The following AMZ1 variants were observed in gnomAD, a reference collection of about 807,000 sequenced individuals.
AMZ1 encodes the protein archaelysin family metallopeptidase 1.
AMZ1 carries 39 observed loss-of-function variants against 29.9 expected under a neutral mutation model. The ratio of observed to expected loss-of-function variants is 1.30; its 90% CI spans 1.01 to 1.70. AMZ1 has a LOEUF of 1.70. Ranked by LOEUF, AMZ1 falls within the 40% of genes most tolerant of loss-of-function variation. The probability of loss-of-function intolerance (pLI) is 0.00; values close to 1 mark genes in which losing one functional copy is unlikely to be tolerated. For synonymous variants in AMZ1, 458 were observed against 304.0 expected (o/e 1.51, Z -5.27); for missense variants, 1,041 against 680.6 (o/e 1.53, Z -5.89).
intron 4 of AMZ1, chr7:2,733,598 G>A (rs1790010858): frequency 1.1e-5 from 10 of 890,072 alleles, no homozygotes; most frequent in Admixed American, 1.9e-5. Flanking sequence ...GTGGCATTTC[G>A]CCTCCGTGTG....
At position 2,708,581 on chromosome 7, in the gene AMZ1, C is replaced by T; in HGVS notation, c.473-7C>T. The stretch of plus-strand genomic sequence containing the variant: ...CCTGACCCCATCCTCTGGCCCTCTC[C>T]CCGCAGACGGCATCCTGTCCTTCTT... On this transcript the variant is annotated splice_region_variant and splice_polypyrimidine_tract_variant and intron_variant, in intron 3 of 6. Coordinates refer to ENST00000683327, the MANE Select transcript of AMZ1 (RefSeq NM_001384743.1). The T allele has an allele frequency of 2.5e-6, 4 of 1,612,016 alleles. No homozygotes were observed. Among genetic ancestry groups the T allele is most frequent in the South Asian group, 1.1e-5 (1 of 91,076 alleles).
At chr7:2,711,709 A>C (rs1027893145) in intron 6 of AMZ1, among the ~76,000 whole-genome samples, 2 of 152,080 alleles carry the variant, frequency 1.3e-5, no homozygotes, top group East Asian at 1.9e-4. Context: ...GTGAGCCACC[A>C]TGCCCACACC....
chr7:2,752,049 G>A (rs1791066975), intron 4 of AMZ1, among the ~76,000 whole-genome samples: 1 of 151,974 alleles, frequency 6.6e-6, no homozygotes, highest in Non-Finnish European at 1.5e-5. Flanking sequence ...TATCAAAAAA[G>A]AAAAATTACA....
At chr7:2,681,188 T>C (rs1393309989) in intron 1 of AMZ1, among the ~76,000 whole-genome samples, 2 of 152,094 alleles carry the variant, frequency 1.3e-5, no homozygotes, top group African/African-American at 4.8e-5. Context: ...CTGGCTAGCG[T>C]GCGCCTGGCC....
intron 4 of AMZ1, among the ~76,000 whole-genome samples, chr7:2,757,873 A>G (rs1033477917): frequency 5.9e-5 from 9 of 152,168 alleles, no homozygotes; most frequent in African/African-American, 1.4e-4. Context: ...GGCAGCTTAA[A>G]TATTTTTTCC....
Position 2,709,762 on chromosome 7 carries a change from C to A in AMZ1, c.894C>A (p.Ile298=). 1 of 1,611,992 alleles carries A rather than the reference C, an allele frequency of 6.2e-7. No individual in the cohort carries two copies. Among genetic ancestry groups the A allele is most frequent in the Non-Finnish European group, 8.5e-7 (1 of 1,179,866 alleles). ...ALRRPLDLCP[I]CLRKLQHVLG... ...GGCGGCCCCTGGACCTCTGTCCCATCTGCCTGAGGAAGCTGCAGCATGTCC... is the reference window on the plus strand; with the variant it reads ...GGCGGCCCCTGGACCTCTGTCCCATATGCCTGAGGAAGCTGCAGCATGTCC... Residue 298 remains isoleucine, a synonymous_variant, in exon 6 of 7, where the codon ATC becomes ATA. Transcript: ENST00000683327.
At chr7:2,764,301 T>C (rs1043743933), upstream of AMZ1, among the ~76,000 whole-genome samples, 1 of 151,390 alleles carries the variant, frequency 6.6e-6, no homozygotes, top group African/African-American at 2.4e-5. Flanking sequence ...CAGGCAGGTC[T>C]CAAACTCCTA....
chr7:2,746,618 C>T (rs1790774970), intron 4 of AMZ1, among the ~76,000 whole-genome samples: 1 of 152,010 alleles, frequency 6.6e-6, no homozygotes, highest in African/African-American at 2.4e-5. Context: ...ACTAGAAAAG[C>T]AAGAACAAAC....
intron 4 of AMZ1, among the ~76,000 whole-genome samples, chr7:2,758,843 G>T (rs1007348656): frequency 6.6e-6 from 1 of 152,188 alleles, no homozygotes; most frequent in African/African-American, 2.4e-5. Flanking sequence ...ATCACCGCAT[G>T]TATCAACATG....
At chr7:2,735,625 C>A (rs1790131082) in intron 4 of AMZ1, among the ~76,000 whole-genome samples, 1 of 152,216 alleles carries the variant, frequency 6.6e-6, no homozygotes, top group African/African-American at 2.4e-5. Flanking sequence ...CACAACACAG[C>A]AAACACTCAC....
intron 6 of AMZ1, among the ~76,000 whole-genome samples, chr7:2,711,976 G>C (rs1366777663): frequency 6.6e-6 from 1 of 152,182 alleles, no homozygotes; most frequent in Non-Finnish European, 1.5e-5. Context: ...GAACCTGGGA[G>C]GGGGAGGTTG....
At chr7:2,697,589 A>G (rs1787821420) in intron 1 of AMZ1, among the ~76,000 whole-genome samples, 1 of 151,502 alleles carries the variant, frequency 6.6e-6, no homozygotes. Context: ...ATGCCCGGCT[A>G]ATTTTTTGTG....
chr7:2,739,170 T>A (rs1790371587), intron 4 of AMZ1, among the ~76,000 whole-genome samples: 1 of 152,250 alleles, frequency 6.6e-6, no homozygotes, highest in East Asian at 1.9e-4. Context: ...ATGTTTTCAT[T>A]AGGTAAGATC....
chr7:2,681,926 C>A (rs1441739313), intron 1 of AMZ1, among the ~76,000 whole-genome samples: 1 of 220 alleles, frequency 4.5e-3, no homozygotes, highest in African/African-American at 0.029. Flanking sequence ...CCCTCCCAGT[C>A]CCCCAGCCTT....
chr7:2,698,815 G>T (rs542970241), intron 1 of AMZ1, among the ~76,000 whole-genome samples: 1 of 152,134 alleles, frequency 6.6e-6, no homozygotes, highest in Non-Finnish European at 1.5e-5. Flanking sequence ...CAGCCTGGAC[G>T]AAACAGCGAG....
chr7:2,708,452 C>T lies in AMZ1; in HGVS notation c.473-136C>T, dbSNP rs375648566. 195 of 1,349,526 alleles carry T rather than the reference C, an allele frequency of 1.4e-4. 2 individuals carry two copies. The South Asian group carries it at 1.7e-3, about 12-fold the overall frequency. The allele number at this position is 1,349,526 out of a possible 1,614,324, so 83.6% of individuals were successfully genotyped here. ...CTGTGTGCCCTCAGGTCACACCAAA[C>T]GCTGGTGGCCCACACCTGACTTGGG... On this transcript the variant is annotated intron_variant, in intron 3 of 6. Coordinates refer to ENST00000683327, the MANE Select transcript of AMZ1 (RefSeq NM_001384743.1).
chr7:2,712,000 T>C (rs1312215633), intron 6 of AMZ1, among the ~76,000 whole-genome samples: 1 of 152,074 alleles, frequency 6.6e-6, no homozygotes, highest in Non-Finnish European at 1.5e-5. Context: ...TGAGCTGAGA[T>C]CGCAGCACTG....
At chr7:2,725,056 G>A (rs1307418737) in intron 4 of AMZ1, among the ~76,000 whole-genome samples, 2 of 152,168 alleles carry the variant, frequency 1.3e-5, no homozygotes, top group Admixed American at 6.5e-5. Context: ...CCACCAGGAC[G>A]GGGTATCTGG....
chr7:2,709,634 C>A lies in AMZ1; in HGVS notation c.772-6C>A. The A allele has an allele frequency of 6.2e-7, 1 of 1,607,252 alleles. No individual in the cohort carries two copies. The highest frequency in any genetic ancestry group is 1.1e-5 in the South Asian group (1 of 90,850). The stretch of plus-strand genomic sequence containing the variant: ...GAGGCAAGGTGCTTGGTGGCCTTCC[C>A]CCCAGGTCACGTGCCACGAGCTCTG... On this transcript the variant is annotated splice_polypyrimidine_tract_variant and splice_region_variant and intron_variant, in intron 5 of 6. Transcript: ENST00000683327.
Sources: gnomAD v4.1 joint callset for allele counts (sites outside exome capture counted in the v4.1 genomes callset) on GRCh38, gnomAD v4.1.1 for gene constraint, MANE v1.5 for transcripts, NCBI Gene and HGNC (gene_info 2026-07-23, HGNC 2026-07-21) for gene names.